TBC1D30: variants seen among roughly 807,000 people sequenced by gnomAD.
TBC1D30 encodes the protein TBC1 domain family, member 30.
Under a neutral mutation model 63.2 loss-of-function variants are expected in TBC1D30, and 31 were observed. The ratio of observed to expected loss-of-function variants is 0.49; its 90% CI spans 0.37 to 0.66. The LOEUF (loss-of-function observed/expected upper bound fraction) is 0.66, where lower values mean the gene tolerates loss of function less well. Among genes scored for constraint, TBC1D30 ranks in the 30% least tolerant of loss-of-function variants. The pLI is 0.00. For synonymous variants in TBC1D30, 307 were observed against 361.5 expected (o/e 0.85, Z 1.71); for missense variants, 810 against 953.6 (o/e 0.85, Z 1.98).
intron 1 of TBC1D30, among the ~76,000 whole-genome samples, chr12:64,826,643 GGCGGATCCAT>G (rs1232125196): frequency 2.0e-5 from 3 of 152,136 alleles, no homozygotes; most frequent in Admixed American, 6.5e-5. Flanking sequence ...CTCAGAGAGA[GGCGGATCCAT>G]GTGGTACTTA....
At chr12:64,793,792 G>A (rs1391938538) in intron 2 of TBC1D30, among the ~76,000 whole-genome samples, 10 of 152,210 alleles carry the variant, frequency 6.6e-5, no homozygotes, top group Admixed American at 6.5e-4. Flanking sequence ...TCCCTCACAC[G>A]ACTGTTGATT....
At chr12:64,784,527 A>AT (rs1460747299) in intron 1 of TBC1D30, among the ~76,000 whole-genome samples, 1 of 151,140 alleles carries the variant, frequency 6.6e-6, no homozygotes, top group East Asian at 1.9e-4. Flanking sequence ...AGAACCTCTA[A>AT]TGGGGGGCTA....
rs1262222809 is a variant in TBC1D30, at chr12:64,876,102, A to T, written c.*314A>T. On this transcript the variant is annotated 3_prime_UTR_variant, in exon 12 of 12. Transcript: ENST00000539867. ...ATATCTAGATTGTTAACTCTCGTCC[A>T]TCCTTCTGTTCTGGGGGCCTTCAGA... 3.9e-6 allele frequency: 1 copy of T among 255,920 alleles called. No individual in the cohort carries two copies. The highest frequency in any genetic ancestry group is 2.3e-5 in the African/African-American group (1 of 44,270). The allele number at this position is 255,920 out of a possible 1,614,324, so 15.9% of individuals were successfully genotyped here. A position where few individuals can be genotyped will look rare whatever the true frequency, so the allele number is the denominator to read the frequency against.
Position 64,770,870 on chromosome 12 carries a change from AT to A in TBC1D30, c.-376+11237del, listed in dbSNP as rs59632344. Among the ~76,000 whole-genome samples the A allele has an allele frequency of 7.5e-3, 1,033 of 138,050 alleles. 5 individuals are homozygous for A. Among genetic ancestry groups the A allele is most frequent in the African/African-American group, 0.013 (501 of 37,488 alleles). The allele number at this position is 138,050 out of a possible 152,430, so 90.6% of individuals were successfully genotyped here. On this transcript the variant is annotated intron_variant, in intron 1 of 13. Coordinates refer to the TBC1D30 transcript ENST00000674237. ...AGGCGAATGCCACCACACCCAGCTA[AT>A]TTTTTTTTTTTTTTTGTATTTTAGT...
At chr12:64,787,426 T>TG in intron 2 of TBC1D30, 1 of 951,664 alleles carries the variant, frequency 1.1e-6, no homozygotes, top group Non-Finnish European at 1.3e-6. Flanking sequence ...AAAATGCCTG[T>TG]GACAGCTTTT....
intron 8 of TBC1D30, among the ~76,000 whole-genome samples, chr12:64,850,233 C>T (rs1163230042): frequency 6.6e-6 from 1 of 152,196 alleles, no homozygotes; most frequent in Non-Finnish European, 1.5e-5. Context: ...AACAATTTGA[C>T]TTCCTCTCTT....
intron 8 of TBC1D30, among the ~76,000 whole-genome samples, chr12:64,862,119 T>C (rs1050051628): frequency 1.3e-5 from 2 of 152,176 alleles, no homozygotes; most frequent in African/African-American, 4.8e-5. Flanking sequence ...AACCCTGTGA[T>C]TCTATTACTG....
chr12:64,838,005 G>A (rs1178313052), intron 6 of TBC1D30, among the ~76,000 whole-genome samples: 2 of 152,014 alleles, frequency 1.3e-5, no homozygotes, highest in African/African-American at 4.8e-5. Context: ...TTTGAAGGGA[G>A]GATCAGTGTA....
intron 2 of TBC1D30, among the ~76,000 whole-genome samples, chr12:64,817,308 A>T (rs1028880019): frequency 1.3e-5 from 2 of 152,220 alleles, no homozygotes; most frequent in Non-Finnish European, 2.9e-5. Context: ...CATGACTTTC[A>T]TTATGTCATT....
chr12:64,797,022 C>A (rs1249511493), intron 2 of TBC1D30, among the ~76,000 whole-genome samples: 2 of 105,598 alleles, frequency 1.9e-5, no homozygotes, highest in Non-Finnish European at 3.8e-5. Flanking sequence ...GTATCATTCT[C>A]CTCTGCAAAA....
chr12:64,862,949 A>T (rs183912316), intron 8 of TBC1D30, among the ~76,000 whole-genome samples: 138 of 152,262 alleles, frequency 9.1e-4, no homozygotes, highest in African/African-American at 3.2e-3. Flanking sequence ...TTGGCTGCTG[A>T]GGAGAGGATT....
chr12:64,795,135 G>A (rs1872174045), intron 2 of TBC1D30, among the ~76,000 whole-genome samples: 1 of 152,182 alleles, frequency 6.6e-6, no homozygotes, highest in Non-Finnish European at 1.5e-5. Context: ...TTGACTTTGA[G>A]CTTCATTGAA....
At chr12:64,791,625 C>T (rs1025530773) in intron 2 of TBC1D30, among the ~76,000 whole-genome samples, 8 of 151,986 alleles carry the variant, frequency 5.3e-5, no homozygotes, top group Non-Finnish European at 2.9e-5. Context: ...AGTGATTCTC[C>T]CACGGCCTCC....
intron 2 of TBC1D30, chr12:64,787,491 C>T (rs968834905): frequency 1.6e-5 from 7 of 425,778 alleles, no homozygotes; most frequent in East Asian, 1.6e-4. Flanking sequence ...ACATTTTGTA[C>T]GTAAATTGAC....
rs3912982 is a variant in TBC1D30, at chr12:64,826,322, G to T, written c.154+1289G>T. Among the ~76,000 whole-genome samples the T allele has an allele frequency of 8.6e-3, 1,314 of 152,254 alleles. 19 individuals are homozygous for T. The highest frequency in any genetic ancestry group is 0.03 in the African/African-American group (1,244 of 41,546). Reference sequence around the variant, plus strand: ...TTGTGGTTTTGGCCAACTAACCCCTGCTGGGTTTCACTATGAGAAGGCAAT... The same window carrying T: ...TTGTGGTTTTGGCCAACTAACCCCTTCTGGGTTTCACTATGAGAAGGCAAT... On this transcript the variant is annotated intron_variant, in intron 1 of 11. Transcript: ENST00000539867.
intron 8 of TBC1D30, among the ~76,000 whole-genome samples, chr12:64,862,999 A>G (rs758175864): frequency 1.7e-4 from 26 of 152,182 alleles, no homozygotes; most frequent in Non-Finnish European, 3.1e-4. Context: ...ATGTGGAGCT[A>G]AGACATGATA....
Position 64,879,969 on chromosome 12 carries a change from T to C in TBC1D30, c.*4181T>C. The C allele has an allele frequency of 1.3e-5, 2 of 152,198 alleles. No individual in the cohort carries two copies. The highest frequency in any genetic ancestry group is 2.9e-5 in the Non-Finnish European group (2 of 68,032). The allele number at this position is 152,198 out of a possible 1,614,324, so 9.4% of individuals were successfully genotyped here. On this transcript the variant is annotated 3_prime_UTR_variant, in exon 12 of 12. Coordinates refer to ENST00000539867, the MANE Select transcript of TBC1D30 (RefSeq NM_015279.2). ...TTCATTGAAGTATTAAATGTACTAA[T>C]GGAAACCTGAAAACAATATAAACAT...
chr12:64,839,598 C>T (rs1176291901), intron 7 of TBC1D30, among the ~76,000 whole-genome samples: 2 of 152,188 alleles, frequency 1.3e-5, no homozygotes, highest in African/African-American at 4.8e-5. Context: ...TGTCACAAAA[C>T]TAGTAAATCA....
chr12:64,873,797 G>T (rs1428364619), intron 11 of TBC1D30, among the ~76,000 whole-genome samples: 1 of 152,214 alleles, frequency 6.6e-6, no homozygotes, highest in Non-Finnish European at 1.5e-5. Flanking sequence ...GAGGTGGCAG[G>T]AATGTGGTGA....
Sources: allele counts gnomAD v4.1 joint callset (sites outside exome capture counted in the v4.1 genomes callset), GRCh38; gene constraint gnomAD v4.1.1; transcripts MANE v1.5; gene names NCBI Gene and HGNC (gene_info 2026-07-23, HGNC 2026-07-21).